SLC6A3: variants seen among roughly 807,000 people sequenced by gnomAD.
SLC6A3 encodes solute carrier family 6 member 3.
Under a neutral mutation model 70.4 loss-of-function variants are expected in SLC6A3, and 19 were observed. The observed-to-expected ratio is 0.27, with a 90% CI of 0.19 to 0.40. The LOEUF is 0.40. Among genes scored for constraint, SLC6A3 ranks in the 10% least tolerant of loss-of-function variants. SLC6A3 has a pLI of 1.00. For missense variants in SLC6A3, 613 were observed against 838.5 expected, an observed-to-expected ratio of 0.73 and a Z score of 3.32; for synonymous variants, 368 against 356.6, an observed-to-expected ratio of 1.03 and a Z score of -0.36.
Position 1,439,836 on chromosome 5 carries a change from T to C in SLC6A3, c.418+1523A>G, listed in dbSNP as rs115649911. Among the ~76,000 whole-genome samples, 748 of 152,356 alleles carry C rather than the reference T, an allele frequency of 4.9e-3. 1 individual carries two copies. Among genetic ancestry groups the C allele is most frequent in the African/African-American group, 0.017 (718 of 41,578 alleles). The stretch of plus-strand genomic sequence containing the variant: ...GCCCACTGGGCAAGTGTGACCTGCG[T>C]GCAGGGATTGGGGAGTCAGAAACGT... On this transcript the variant is annotated intron_variant, in intron 3 of 14. Transcript: ENST00000270349.
At chr5:1,419,272 C>T (rs922029482) in intron 6 of SLC6A3, among the ~76,000 whole-genome samples, 2 of 151,450 alleles carry the variant, frequency 1.3e-5, no homozygotes, top group Admixed American at 6.6e-5. Context: ...TCTATCCATT[C>T]TATCTACCCA....
At position 1,414,795 on chromosome 5, in the gene SLC6A3, G is replaced by C; in HGVS notation, c.1052C>G (p.Ser351Cys). The stretch of plus-strand genomic sequence containing the variant: ...GGAGAAGCTCGTCAGGGAGTTGATG[G>C]AGGTGGTGACAATCGCGTCCCTGTA... ...NCYRDAIVTT[S>C]INSLTSFSSG... Residue 351 changes from serine to cysteine, a missense_variant, in exon 8 of 15, where the codon TCC (serine) becomes TGC (cysteine). Physicochemically the swap from Ser to Cys is moderately radical, Grantham distance 112. This residue lies in a region of SLC6A3 where 348 missense variants were observed against 481.2 expected (regional missense o/e 0.72). Transcript: ENST00000270349. 1 of 1,612,950 alleles carries C rather than the reference G, an allele frequency of 6.2e-7. No homozygotes were observed. Among genetic ancestry groups the C allele is most frequent in the Non-Finnish European group, 8.5e-7 (1 of 1,179,864 alleles).
Position 1,442,904 on chromosome 5 carries a change from G to A in SLC6A3, c.286+8C>T, listed in dbSNP as rs981823866. On this transcript the variant is annotated splice_region_variant and intron_variant, in intron 2 of 14. Transcript: ENST00000270349. This position sits in a 1 kb window ranked among gnomAD's most constrained non-coding sequence, Gnocchi z 5.0. ...CAGCATGCTCAGGGAGGCTGAGATG[G>A]GACTTACCGCCACCATTTTTGTAGC... is the stretch of plus-strand genomic sequence containing the variant. 3.7e-6 allele frequency: 6 copies of A among 1,614,122 alleles called. No individual in the cohort carries two copies. The highest frequency in any genetic ancestry group is 5.1e-6 in the Non-Finnish European group (6 of 1,179,978).
intron 3 of SLC6A3, among the ~76,000 whole-genome samples, chr5:1,441,011 T>C (rs979996916): frequency 6.6e-6 from 1 of 152,208 alleles, no homozygotes; most frequent in Non-Finnish European, 1.5e-5. Flanking sequence ...TAAAGATAGA[T>C]AATGGATAGA....
At chr5:1,441,137 A>G (rs925855755) in intron 3 of SLC6A3, among the ~76,000 whole-genome samples, 1 of 152,252 alleles carries the variant, frequency 6.6e-6, no homozygotes, top group Non-Finnish European at 1.5e-5. Context: ...TAACACCACA[A>G]ATGAATTGCA....
At chr5:1,399,022 C>T (rs1339586799) in intron 14 of SLC6A3, among the ~76,000 whole-genome samples, 2 of 152,126 alleles carry the variant, frequency 1.3e-5, no homozygotes, top group East Asian at 3.8e-4. Context: ...TGTGTATTGA[C>T]AATTAGAGAA....
intron 3 of SLC6A3, among the ~76,000 whole-genome samples, chr5:1,433,241 C>T (rs1474146103): frequency 3.3e-5 from 5 of 152,072 alleles, no homozygotes; most frequent in African/African-American, 7.2e-5. Flanking sequence ...CCAGAAGCAC[C>T]CAGGGCTACC....
chr5:1,438,337 T>C lies in SLC6A3; in HGVS notation c.418+3022A>G, dbSNP rs2927684. ...TCAGAACGAAGCTGGCGGCATGGAA[T>C]GCGGGATTGTGGGCACAGGGTCTGT... On this transcript the variant is annotated intron_variant, in intron 3 of 14. Coordinates refer to ENST00000270349, the MANE Select transcript of SLC6A3 (RefSeq NM_001044.5). The surrounding 1 kb of genome is among the most constrained non-coding windows in gnomAD (Gnocchi z 6.5). Among the ~76,000 whole-genome samples, 1 of 152,200 alleles carries C rather than the reference T, an allele frequency of 6.6e-6. No homozygotes were observed. The highest frequency in any genetic ancestry group is 2.4e-5 in the African/African-American group (1 of 41,444).
chr5:1,411,833 C>T lies in SLC6A3; in HGVS notation c.1157-478G>A, dbSNP rs1756134001. Among the ~76,000 whole-genome samples the T allele has an allele frequency of 6.6e-6, 1 of 151,130 alleles. No homozygotes were observed. The highest frequency in any genetic ancestry group is 1.5e-5 in the Non-Finnish European group (1 of 67,622). ...CATGCAACATACACACTCAGACACACATACCATGCAACATACACACTCAGA... is the reference window on the plus strand; with the variant it reads ...CATGCAACATACACACTCAGACACATATACCATGCAACATACACACTCAGA... On this transcript the variant is annotated intron_variant, in intron 8 of 14. Transcript: ENST00000270349. This position sits in a 1 kb window ranked among gnomAD's most constrained non-coding sequence, Gnocchi z 6.5.
intron 7 of SLC6A3, 83 bp downstream of exon 7, chr5:1,416,015 A>C: frequency 9.3e-7 from 1 of 1,075,308 alleles, no homozygotes; most frequent in Non-Finnish European, 1.4e-6. Context: ...CCCTGTTCTC[A>C]TCCAGGGACA....
intron 1 of SLC6A3, among the ~76,000 whole-genome samples, chr5:1,444,346 G>A (rs960302559): frequency 1.3e-5 from 2 of 152,072 alleles, no homozygotes; most frequent in African/African-American, 4.8e-5. Context: ...TTTCAGTCGA[G>A]CGCACGCACA....
At chr5:1,400,590 C>T (rs1429326219) in intron 14 of SLC6A3, among the ~76,000 whole-genome samples, 1 of 152,184 alleles carries the variant, frequency 6.6e-6, no homozygotes, top group Non-Finnish European at 1.5e-5. Context: ...TGGTCCCTTG[C>T]TGGTCCTTAA....
chr5:1,400,274 A>G (rs1490287562), intron 14 of SLC6A3, among the ~76,000 whole-genome samples: 1 of 152,158 alleles, frequency 6.6e-6, no homozygotes, highest in Non-Finnish European at 1.5e-5. Context: ...TCTGGGTCTC[A>G]GGGACCCTGG....
chr5:1,421,341 C>G lies in SLC6A3; in HGVS notation c.792+535G>C, dbSNP rs900300794. Among the ~76,000 whole-genome samples the G allele has an allele frequency of 6.6e-6, 1 of 152,112 alleles. No homozygotes were observed. Among genetic ancestry groups the G allele is most frequent in the Non-Finnish European group, 1.5e-5 (1 of 68,028 alleles). ...TATAGGCACGTGCCACCGTGCCTGG[C>G]TAATTTCGTATTTTTAGTAGAGATG... On this transcript the variant is annotated intron_variant, in intron 5 of 14. Coordinates refer to ENST00000270349, the MANE Select transcript of SLC6A3 (RefSeq NM_001044.5). The surrounding 1 kb of genome is among the most constrained non-coding windows in gnomAD (Gnocchi z 7.2).
At chr5:1,414,475 TG>T (rs549470632) in intron 8 of SLC6A3, among the ~76,000 whole-genome samples, 3 of 74,440 alleles carry the variant, frequency 4.0e-5, no homozygotes, top group Non-Finnish European at 5.6e-5. Flanking sequence ...AGGCGCTGGG[TG>T]GGGGGCCTGG....
At chr5:1,398,086 C>A (rs1219828032) in intron 14 of SLC6A3, among the ~76,000 whole-genome samples, 3 of 152,140 alleles carry the variant, frequency 2.0e-5, no homozygotes, top group Non-Finnish European at 4.4e-5. Flanking sequence ...TAAGTCCGGG[C>A]ACAGTGGCTT....
chr5:1,441,302 A>G, intron 3 of SLC6A3, 57 bp downstream of exon 3: 1 of 1,610,572 alleles, frequency 6.2e-7, no homozygotes, highest in Non-Finnish European at 8.5e-7. Context: ...TGAAAGCTCC[A>G]GCGTCACCAC....
intron 4 of SLC6A3, among the ~76,000 whole-genome samples, chr5:1,431,629 G>A (rs933332075): frequency 6.6e-6 from 1 of 151,838 alleles, no homozygotes; most frequent in Admixed American, 6.6e-5. Flanking sequence ...TGGACGGTGT[G>A]GGGTGGGCCT....
intron 9 of SLC6A3, among the ~76,000 whole-genome samples, chr5:1,410,864 GTGTGTGCA>G (rs1428212038): frequency 2.6e-5 from 4 of 152,060 alleles, no homozygotes; most frequent in South Asian, 2.1e-4. Context: ...GTATGTGTGC[GTGTGTGCA>G]TGTGTGTATG....
Sources: gnomAD v4.1 joint callset for allele counts (sites outside exome capture counted in the v4.1 genomes callset) on GRCh38, gnomAD v4.1.1 for gene constraint, gnomAD v4.1.1 regional missense constraint, Gnocchi (gnomAD v3.1) non-coding constraint, MANE v1.5 for transcripts, NCBI Gene and HGNC (gene_info 2026-07-23, HGNC 2026-07-21) for gene names.